CNTN5: variants seen among roughly 807,000 people sequenced by gnomAD.
CNTN5 encodes contactin 5.
In CNTN5, 77 loss-of-function variants were observed where a neutral mutation model predicts 129.1. That is an observed-to-expected ratio of 0.60 (90% CI 0.50 to 0.72). The LOEUF (loss-of-function observed/expected upper bound fraction) is 0.72, where lower values mean the gene tolerates loss of function less well. CNTN5 is among the 30% of genes least tolerant of loss of function. CNTN5 has a pLI of 0.00. For synonymous variants in CNTN5, 509 were observed against 465.6 expected (o/e 1.09, Z -1.20); for missense variants, 1,478 against 1,328.8 (o/e 1.11, Z -1.75).
intron 1 of CNTN5, among the ~76,000 whole-genome samples, chr11:99,253,065 C>G (rs569002864): frequency 6.6e-6 from 1 of 151,854 alleles, no homozygotes; most frequent in South Asian, 2.1e-4. Context: ...TCAAATCTCA[C>G]CTTGAATTGT....
At chr11:100,236,726 C>T (rs952901784) in intron 16 of CNTN5, among the ~76,000 whole-genome samples, 1 of 152,180 alleles carries the variant, frequency 6.6e-6, no homozygotes, top group Non-Finnish European at 1.5e-5. Flanking sequence ...CAGCTATTCT[C>T]CCCCGAAGCT....
intron 1 of CNTN5, among the ~76,000 whole-genome samples, chr11:99,118,423 G>A (rs895709493): frequency 6.6e-6 from 1 of 152,044 alleles, no homozygotes; most frequent in African/African-American, 2.4e-5. Context: ...CTGTTAATCA[G>A]TACACATTGG....
intron 7 of CNTN5, among the ~76,000 whole-genome samples, chr11:99,929,070 G>C (rs1023655877): frequency 1.3e-5 from 2 of 152,228 alleles, no homozygotes; most frequent in African/African-American, 2.4e-5. Context: ...CCCAGGGTGG[G>C]GGCAAAATGC....
At chr11:99,810,835 G>A (rs1946407107) in intron 3 of CNTN5, among the ~76,000 whole-genome samples, 1 of 152,028 alleles carries the variant, frequency 6.6e-6, no homozygotes, top group Admixed American at 6.6e-5. Flanking sequence ...TGACTTTGAT[G>A]CCAAATGGAG....
At position 99,388,414 on chromosome 11, in the gene CNTN5, C is replaced by CAAAAAA. The variant is rs10652309; in HGVS notation, c.-71+62942_-71+62947dup. Among the ~76,000 whole-genome samples, 579 of 121,766 alleles carry CAAAAAA rather than the reference C, an allele frequency of 4.8e-3. 26 individuals are homozygous for CAAAAAA. In the East Asian group the frequency reaches 0.075, roughly 16 times the overall value. The allele number at this position is 121,766 out of a possible 152,430, so 79.9% of individuals were successfully genotyped here. Reference sequence around the variant, plus strand: ...TGGGTGACAGAGCAAAACCCGGTCTCAAAAAAAAAAAAAAAAACATGTTTT... The same window carrying CAAAAAA: ...TGGGTGACAGAGCAAAACCCGGTCTCAAAAAAAAAAAAAAAAAAAAAAACATGTTTT... On this transcript the variant is annotated intron_variant, in intron 2 of 24. Coordinates refer to ENST00000524871, the MANE Select transcript of CNTN5 (RefSeq NM_014361.4).
chr11:99,897,044 A>G (rs545846038), intron 6 of CNTN5, among the ~76,000 whole-genome samples: 1 of 152,244 alleles, frequency 6.6e-6, no homozygotes, highest in South Asian at 2.1e-4. Flanking sequence ...ACTAGACTAG[A>G]CCAAGTGGAA....
intron 1 of CNTN5, among the ~76,000 whole-genome samples, chr11:99,143,547 C>CT: frequency 6.6e-6 from 1 of 152,010 alleles, no homozygotes; most frequent in East Asian, 1.9e-4. Context: ...TCCTGGCTCC[C>CT]TTCCTTCTTT....
chr11:99,549,525 T>G (rs1406836528), intron 2 of CNTN5, among the ~76,000 whole-genome samples: 1 of 152,190 alleles, frequency 6.6e-6, no homozygotes, highest in African/African-American at 2.4e-5. Context: ...CTTACCACTC[T>G]TATTTAGCTT....
chr11:99,850,613 G>T (rs981467103), intron 6 of CNTN5, among the ~76,000 whole-genome samples: 1 of 151,954 alleles, frequency 6.6e-6, no homozygotes, highest in Non-Finnish European at 1.5e-5. Flanking sequence ...CTTTCGAAAG[G>T]TGATTTTTTT....
chr11:99,455,701 C>T (rs768223520), intron 2 of CNTN5, among the ~76,000 whole-genome samples: 6 of 151,488 alleles, frequency 4.0e-5, no homozygotes, highest in Non-Finnish European at 5.9e-5. Flanking sequence ...CCAAAGCAGC[C>T]GCAGTAGGAA....
rs188881746 is a variant in CNTN5, at chr11:100,071,794, G to A, written c.1389G>A (p.Lys463=). The A allele has an allele frequency of 6.2e-7, 1 of 1,607,848 alleles. No homozygotes were observed. The highest frequency in any genetic ancestry group is 1.3e-5 in the African/African-American group (1 of 74,828). ...AGMYQCLAEN[K]YGAIYASAEL... Reference sequence around the variant, plus strand: ...TGTATCAGTGTTTGGCTGAAAATAAGTATGGAGCCATTTACGCTAGTGCTG... The same window carrying A: ...TGTATCAGTGTTTGGCTGAAAATAAATATGGAGCCATTTACGCTAGTGCTG... Residue 463 remains lysine (K), a synonymous_variant, in exon 12 of 25, where the codon AAG becomes AAA. Coordinates refer to ENST00000524871, the MANE Select transcript of CNTN5 (RefSeq NM_014361.4).
chr11:99,133,685 T>A (rs1181686421), intron 1 of CNTN5, among the ~76,000 whole-genome samples: 1 of 147,734 alleles, frequency 6.8e-6, no homozygotes, highest in Non-Finnish European at 1.5e-5. Flanking sequence ...ATTAGAGAAA[T>A]GCAAATCAAA....
chr11:99,414,033 A>T (rs1161205912), intron 2 of CNTN5, among the ~76,000 whole-genome samples: 1 of 152,220 alleles, frequency 6.6e-6, no homozygotes, highest in Non-Finnish European at 1.5e-5. Flanking sequence ...TGTTCAACAA[A>T]TAGATACAAA....
chr11:99,990,938 G>T (rs147317854), intron 8 of CNTN5, among the ~76,000 whole-genome samples: 1 of 152,258 alleles, frequency 6.6e-6, no homozygotes, highest in Non-Finnish European at 1.5e-5. Flanking sequence ...GATTGCTTCA[G>T]TGTTGCAACA....
At chr11:99,572,353 T>A (rs1949202493) in intron 3 of CNTN5, among the ~76,000 whole-genome samples, 2 of 152,226 alleles carry the variant, frequency 1.3e-5, no homozygotes, top group Admixed American at 6.5e-5. Flanking sequence ...TTGGGCTGCA[T>A]TTAAAGCCAT....
At chr11:100,338,093 A>G (rs76368689) in intron 21 of CNTN5, among the ~76,000 whole-genome samples, 4,440 of 152,298 alleles carry the variant, frequency 0.029, 203 homozygotes, top group African/African-American at 0.099. Context: ...ACATTTATAA[A>G]AACATACAAA....
intron 18 of CNTN5, among the ~76,000 whole-genome samples, chr11:100,284,867 T>A (rs956740310): frequency 6.6e-6 from 1 of 152,228 alleles, no homozygotes; most frequent in South Asian, 2.1e-4. Context: ...TGTGTATGTA[T>A]CTTTTAAAGA....
chr11:100,129,401 A>G (rs964245945), intron 13 of CNTN5, among the ~76,000 whole-genome samples: 1 of 152,130 alleles, frequency 6.6e-6, no homozygotes, highest in Non-Finnish European at 1.5e-5. Flanking sequence ...TTGCCATTCT[A>G]TGACCATTTT....
At chr11:99,804,772 A>C (rs1172039217) in intron 3 of CNTN5, among the ~76,000 whole-genome samples, 1 of 150,958 alleles carries the variant, frequency 6.6e-6, no homozygotes, top group African/African-American at 2.4e-5. Context: ...ATAGAAGTAC[A>C]TCTTACAGAA....
Sources: allele counts gnomAD v4.1 joint callset (sites outside exome capture counted in the v4.1 genomes callset), GRCh38; gene constraint gnomAD v4.1.1; transcripts MANE v1.5; gene names NCBI Gene and HGNC (gene_info 2026-07-23, HGNC 2026-07-21).